BTBD8: variants seen among roughly 807,000 people sequenced by gnomAD.
BTBD8 encodes BTB domain containing 8.
Under a neutral mutation model 162.9 loss-of-function variants are expected in BTBD8, and 110 were observed. That is an observed-to-expected ratio of 0.68 (90% CI 0.58 to 0.79). The LOEUF is 0.79. Ranked by LOEUF, BTBD8 falls within the 30% of genes least tolerant of loss-of-function variation. The pLI is 0.00. For missense variants in BTBD8, 1,905 were observed against 2,085.4 expected, an observed-to-expected ratio of 0.91 and a Z score of 1.68; for synonymous variants, 667 against 716.1, an observed-to-expected ratio of 0.93 and a Z score of 1.10.
chr1:92,101,582 T>C (rs1648593344), intron 2 of BTBD8, among the ~76,000 whole-genome samples: 1 of 152,262 alleles, frequency 6.6e-6, no homozygotes, highest in Non-Finnish European at 1.5e-5. Context: ...GAGGTGACAC[T>C]CACTGTGGGT....
chr1:92,104,931 A>G lies in BTBD8; in HGVS notation c.544+2262A>G, dbSNP rs1648685276. On this transcript the variant is annotated intron_variant, in intron 3 of 17. Coordinates refer to ENST00000636805, the MANE Select transcript of BTBD8 (RefSeq NM_001376131.1). ...AAACATACCTGTTAAAGTCTACCTT[A>G]TTATTATTTTTTTTTTTTGAGAAGG... Among the ~76,000 whole-genome samples the G allele has an allele frequency of 3.2e-5, 3 of 94,756 alleles. No individual in the cohort carries two copies. In the South Asian group the frequency reaches 1.4e-3, roughly 44 times the overall value. The allele number at this position is 94,756 out of a possible 152,430, so 62.2% of individuals were successfully genotyped here.
intron 4 of BTBD8, 64 bp from the exon 5 acceptor site, chr1:92,129,622 TA>T: frequency 7.7e-7 from 1 of 1,302,924 alleles, no homozygotes; most frequent in Non-Finnish European, 1.1e-6. Flanking sequence ...AAAATTTTCA[TA>T]AAAAATTACA....
chr1:92,117,702 T>G (rs1483521541), intron 4 of BTBD8, among the ~76,000 whole-genome samples: 1 of 152,034 alleles, frequency 6.6e-6, no homozygotes, highest in Non-Finnish European at 1.5e-5. Context: ...TTACTGCACC[T>G]CACAAATTTC....
intron 4 of BTBD8, among the ~76,000 whole-genome samples, chr1:92,119,603 A>G (rs1649136605): frequency 6.7e-6 from 1 of 150,266 alleles, no homozygotes; most frequent in Non-Finnish European, 1.5e-5. Context: ...TTGTATCCTT[A>G]TTCTATAAGC....
chr1:92,107,246 C>T lies in BTBD8; in HGVS notation c.545-638C>T, dbSNP rs934221363. On this transcript the variant is annotated intron_variant, in intron 3 of 17. Coordinates refer to ENST00000636805, the MANE Select transcript of BTBD8 (RefSeq NM_001376131.1). ...TAATTAAAAATTAGAAAAAGATGCTCATAAAGAGGCTTCATTTTTGGTGTA... is the reference window on the plus strand; with the variant it reads ...TAATTAAAAATTAGAAAAAGATGCTTATAAAGAGGCTTCATTTTTGGTGTA... Among the ~76,000 whole-genome samples the T allele has an allele frequency of 2.6e-5, 4 of 152,060 alleles. No homozygotes were observed. In the East Asian group the frequency reaches 7.7e-4, roughly 29 times the overall value.
chr1:92,081,763 G>A (rs1276761166), intron 1 of BTBD8, among the ~76,000 whole-genome samples: 2 of 152,088 alleles, frequency 1.3e-5, no homozygotes, highest in Admixed American at 6.5e-5. Context: ...TAGTAGAGAC[G>A]GGATTTCATC....
chr1:92,090,254 A>G (rs1648262197), intron 2 of BTBD8, among the ~76,000 whole-genome samples: 1 of 151,198 alleles, frequency 6.6e-6, no homozygotes. Context: ...TTACATTCCC[A>G]CTAGCAATGT....
chr1:92,091,743 T>C (rs112051411), intron 2 of BTBD8, among the ~76,000 whole-genome samples: 1,869 of 152,262 alleles, frequency 0.012, 34 homozygotes, highest in African/African-American at 0.043. Context: ...GTTACTCCTA[T>C]GTTTTTTTCT....
In BTBD8 at chr1:92,170,625, A is replaced by G. The variant is rs572623423; in HGVS notation, c.1574-774A>G. Reference sequence around the variant, plus strand: ...GTATTTTTTATTAGCTGATTTAATAAAAATCAAATAATTTTCAGAGATTGT... The same window carrying G: ...GTATTTTTTATTAGCTGATTTAATAGAAATCAAATAATTTTCAGAGATTGT... On this transcript the variant is annotated intron_variant, in intron 12 of 17. Coordinates refer to ENST00000636805, the MANE Select transcript of BTBD8 (RefSeq NM_001376131.1). 2.6e-5 allele frequency among the ~76,000 whole-genome samples: 4 copies of G among 152,258 alleles called. No individual in the cohort carries two copies. The South Asian group carries it at 6.2e-4, about 24-fold the overall frequency.
At chr1:92,115,288 A>G (rs902361354) in intron 4 of BTBD8, 1 of 460,286 alleles carries the variant, frequency 2.2e-6, no homozygotes, top group Non-Finnish European at 4.2e-6. Context: ...TGTGATCCTG[A>G]TTCCTCCCAT....
Position 92,176,851 on chromosome 1 carries a change from CTG to C in BTBD8, c.1659_1660del (p.Gly554Ter). 2.1e-6 allele frequency: 3 copies of C among 1,446,890 alleles called. No homozygotes were observed. Among genetic ancestry groups the C allele is most frequent in the Non-Finnish European group, 2.7e-6 (3 of 1,095,996 alleles). 89.6% of individuals were successfully genotyped at this position (1,446,890 alleles called of 1,614,324 possible). The stretch of plus-strand genomic sequence containing the variant: ...TAGCAAAGGAAACAAGTTTCTGACT[CTG>C]GTGATATAAAAATCAAATCTTGGAG... On this transcript the variant is annotated frameshift_variant, in exon 14 of 18. Coordinates refer to ENST00000636805, the MANE Select transcript of BTBD8 (RefSeq NM_001376131.1). LOFTEE classifies it high-confidence loss of function.
rs552236354 is a variant in BTBD8 at position 92,134,327 on chromosome 1, T to G, written c.752+4551T>G. On this transcript the variant is annotated intron_variant, in intron 5 of 17. Transcript: ENST00000636805. ...CTTCAGTGTCTTCTCATTATAATTATAATTAAACCCAAACTCTTGACCATG... is the reference window on the plus strand; with the variant it reads ...CTTCAGTGTCTTCTCATTATAATTAGAATTAAACCCAAACTCTTGACCATG... Among the ~76,000 whole-genome samples the G allele has an allele frequency of 3.9e-5, 6 of 152,362 alleles. No individual in the cohort carries two copies. In the East Asian group the frequency reaches 1.2e-3, roughly 29 times the overall value.
chr1:92,122,481 T>G (rs12063404), intron 4 of BTBD8, among the ~76,000 whole-genome samples: 1 of 151,536 alleles, frequency 6.6e-6, no homozygotes, highest in Non-Finnish European at 1.5e-5. Flanking sequence ...ATGGTCTTGA[T>G]CTCTTGACCT....
intron 4 of BTBD8, among the ~76,000 whole-genome samples, chr1:92,119,924 G>A (rs1215994235): frequency 2.6e-5 from 3 of 114,686 alleles, no homozygotes; most frequent in Non-Finnish European, 5.0e-5. Context: ...TTTTTGAGAC[G>A]GAGTCTCACT....
At chr1:92,137,055 C>T (rs182821144) in intron 5 of BTBD8, among the ~76,000 whole-genome samples, 25 of 152,090 alleles carry the variant, frequency 1.6e-4, no homozygotes, top group Admixed American at 1.4e-3. Context: ...GCACAGTGAA[C>T]GGTATGTGCT....
chr1:92,184,021 C>A lies in BTBD8; in HGVS notation c.5070C>A (p.Asp1690Glu). The A allele has an allele frequency of 1.3e-6, 2 of 1,551,512 alleles. No homozygotes were observed. Among genetic ancestry groups the A allele is most frequent in the Non-Finnish European group, 1.7e-6 (2 of 1,146,870 alleles). Residue 1690 changes from aspartate to glutamate, a missense_variant, in exon 18 of 18, where the codon GAC becomes GAA. Physicochemically the swap from Asp to Glu is conservative, Grantham distance 45. This residue lies in a region of BTBD8 where 517 missense variants were observed against 606.6 expected (regional missense o/e 0.85). Coordinates refer to ENST00000636805, the MANE Select transcript of BTBD8 (RefSeq NM_001376131.1). ...THVTDMDFEDDQHFAKQDWTL... is the reference protein window; with the variant it reads ...THVTDMDFEDEQHFAKQDWTL... ...TTACAGATATGGATTTTGAAGATGA[C>A]CAACATTTTGCAAAACAAGATTGGA...
chr1:92,134,893 TAA>T (rs1491035405), intron 5 of BTBD8, among the ~76,000 whole-genome samples: 11 of 79,368 alleles, frequency 1.4e-4, no homozygotes, highest in South Asian at 9.6e-4. Context: ...ATTAATTAAT[TAA>T]TTTTTTTTTT....
intron 4 of BTBD8, among the ~76,000 whole-genome samples, chr1:92,120,619 A>G (rs984682107): frequency 2.0e-5 from 3 of 152,172 alleles, no homozygotes; most frequent in African/African-American, 7.2e-5. Context: ...CACCTCCACA[A>G]ACATGTGAGT....
chr1:92,099,649 T>C (rs1487767066), intron 2 of BTBD8, among the ~76,000 whole-genome samples: 1 of 152,218 alleles, frequency 6.6e-6, no homozygotes, highest in Non-Finnish European at 1.5e-5. Context: ...AATACGATTG[T>C]AAATGGAATT....
Sources: gnomAD v4.1 joint callset for allele counts (sites outside exome capture counted in the v4.1 genomes callset) on GRCh38, gnomAD v4.1.1 for gene constraint, gnomAD v4.1.1 regional missense constraint, MANE v1.5 for transcripts, NCBI Gene and HGNC (gene_info 2026-07-23, HGNC 2026-07-21) for gene names.